The following ANK2 variants were observed in gnomAD, a reference collection of about 807,000 sequenced individuals.
ANK2 encodes the protein ankyrin 2, also known as ankyrin-2.
Under a neutral mutation model 360.5 loss-of-function variants are expected in ANK2, and 83 were observed. That is an observed-to-expected ratio of 0.23 (90% CI 0.19 to 0.28). The LOEUF (loss-of-function observed/expected upper bound fraction) is 0.28. ANK2 is among the 10% of genes least tolerant of loss of function. The probability of loss-of-function intolerance (pLI) is 1.00; values close to 1 mark genes in which losing one functional copy is unlikely to be tolerated. For missense variants in ANK2, 4,201 were observed against 4,795.7 expected, an observed-to-expected ratio of 0.88 and a Z score of 3.66; for synonymous variants, 1,740 against 1,759.5, an observed-to-expected ratio of 0.99 and a Z score of 0.28.
the ANK2 span, among the ~76,000 whole-genome samples, chr4:112,746,947 C>T: frequency 6.6e-6 from 1 of 152,148 alleles, no homozygotes; most frequent in Non-Finnish European, 1.5e-5. Context: ...TGTGGTCACG[C>T]ATTTACGAAA....
chr4:113,021,541 C>CACACACATATATATATATATATAT (rs1489947974), intron 2 of ANK2, among the ~76,000 whole-genome samples: 1 of 95,572 alleles, frequency 1.0e-5, no homozygotes, highest in African/African-American at 3.8e-5. Context: ...CACACACAAA[C>CACACACATATATATATATATATAT]ATATATATAT....
In ANK2 at chr4:113,355,857, C is replaced by T; in HGVS notation, c.7239C>T (p.Leu2413=). The change falls in exon 38 of 46, where the codon CTC becomes CTT. Residue 2413 remains leucine, a synonymous_variant. Coordinates refer to ENST00000357077, the MANE Select transcript of ANK2 (RefSeq NM_001148.6). The stretch of plus-strand genomic sequence containing the variant: ...GTCCCCAAGGGTTAGAACTTGCACT[C>T]CCTAGCCGAGATAGCGAAGTCCTCA... The part of the protein sequence containing the change: ...IRSPQGLELA[L]PSRDSEVLSA... 6.2e-7 allele frequency: 1 copy of T among 1,614,094 alleles called. No individual in the cohort carries two copies.
At chr4:112,792,033 C>CTTTTTTT in the ANK2 span, among the ~76,000 whole-genome samples, 14 of 65,978 alleles carry the variant, frequency 2.1e-4, no homozygotes, top group African/African-American at 5.3e-4. Context: ...CACATCCTTT[C>CTTTTTTT]TTTTTTTTTT....
chr4:113,186,035 C>G (rs2098515124), intron 2 of ANK2, among the ~76,000 whole-genome samples: 1 of 152,196 alleles, frequency 6.6e-6, no homozygotes, highest in Non-Finnish European at 1.5e-5. Context: ...TCTCCCAGCA[C>G]AGCACTCGAG....
At chr4:113,246,060 T>C (rs1056537261) in intron 9 of ANK2, among the ~76,000 whole-genome samples, 1 of 152,236 alleles carries the variant, frequency 6.6e-6, no homozygotes, top group Non-Finnish European at 1.5e-5. Context: ...CCTCCCAAAG[T>C]GCTGGGATTA....
chr4:113,302,068 G>C (rs1420258586), intron 22 of ANK2, among the ~76,000 whole-genome samples: 3 of 152,146 alleles, frequency 2.0e-5, no homozygotes, highest in African/African-American at 4.8e-5. Context: ...GCACATGTAG[G>C]TTAGGGGACT....
chr4:112,912,058 T>A (rs2087710913), intron 2 of ANK2, among the ~76,000 whole-genome samples: 1 of 151,948 alleles, frequency 6.6e-6, no homozygotes, highest in Admixed American at 6.6e-5. Flanking sequence ...GCGCCTGTAG[T>A]CCCAGCTACT....
chr4:113,210,734 C>T (rs1408648278), intron 4 of ANK2, among the ~76,000 whole-genome samples: 1 of 152,142 alleles, frequency 6.6e-6, no homozygotes, highest in East Asian at 1.9e-4. Context: ...CAATCCTTAG[C>T]ATATAGGGGC....
In ANK2 at chr4:113,293,647, ACTT is replaced by A. The variant is rs2069170558; in HGVS notation, c.2475+113_2475+115del. ...AGATGTTTGGAGCTTTTAGTTTTGA[ACTT>A]CTTTTTGTTGAAAGTATTGTAGCAC... On this transcript the variant is annotated intron_variant, in intron 22 of 45. Transcript: ENST00000357077. 3.6e-5 allele frequency: 40 copies of A among 1,098,208 alleles called. 2 individuals are homozygous for A. The South Asian group carries it at 4.8e-4, about 13-fold the overall frequency. The allele number at this position is 1,098,208 out of a possible 1,614,324, so 68.0% of individuals were successfully genotyped here.
chr4:113,307,351 C>T (rs138511408), intron 23 of ANK2, among the ~76,000 whole-genome samples: 244 of 150,662 alleles, frequency 1.6e-3, no homozygotes, highest in African/African-American at 5.5e-3. Flanking sequence ...GGTTCCGTAA[C>T]GTTTCAGAGA....
At position 113,357,691 on chromosome 4, in the gene ANK2, G is replaced by A; in HGVS notation, c.9073G>A (p.Val3025Ile). ...FEPTMSATTT[V>I]VGEQISKVII... ...GCCTACTATGTCCGCTACAACAACA[G>A]TTGTTGGTGAACAAATAAGCAAAGT... The change falls in exon 38 of 46, where the codon GTT becomes ATT. Residue 3025 changes from valine (V) to isoleucine (I), a missense_variant. By Grantham distance (29) the Val-to-Ile change is conservative. Around this residue, in one of 4 missense-constraint regions of ANK2, gnomAD observed 2,642 missense variants for 2,714.5 expected, o/e 0.97. Coordinates refer to ENST00000357077, the MANE Select transcript of ANK2 (RefSeq NM_001148.6). 6.2e-7 allele frequency: 1 copy of A among 1,614,158 alleles called. No individual in the cohort carries two copies. The highest frequency in any genetic ancestry group is 8.5e-7 in the Non-Finnish European group (1 of 1,179,984).
At chr4:112,942,756 ATAAG>A (rs1443260804) in intron 2 of ANK2, among the ~76,000 whole-genome samples, 1 of 151,972 alleles carries the variant, frequency 6.6e-6, no homozygotes, top group East Asian at 1.9e-4. Flanking sequence ...AATTTCGCAA[ATAAG>A]TAAGTTTTAT....
intron 43 of ANK2, chr4:113,372,661 T>G: frequency 7.3e-6 from 10 of 1,377,406 alleles, no homozygotes; most frequent in African/African-American, 1.4e-5. Context: ...TCAGGGACAG[T>G]CCTGTCCCCA....
chr4:112,770,096 C>A, the ANK2 span, among the ~76,000 whole-genome samples: 1 of 152,208 alleles, frequency 6.6e-6, no homozygotes, highest in Non-Finnish European at 1.5e-5. Flanking sequence ...AGAGCCCTGA[C>A]TAATACAGCT....
chr4:112,805,755 T>A, the ANK2 span, among the ~76,000 whole-genome samples: 1 of 152,072 alleles, frequency 6.6e-6, no homozygotes, highest in African/African-American at 2.4e-5. Flanking sequence ...CTAATTTTTG[T>A]ATTTTTAGTA....
chr4:113,133,782 C>T (rs2096223026), intron 1 of ANK2, among the ~76,000 whole-genome samples: 1 of 152,044 alleles, frequency 6.6e-6, no homozygotes, highest in Non-Finnish European at 1.5e-5. Context: ...ATGATTATAA[C>T]TCCCTTTTGT....
At chr4:112,733,634 G>T in the ANK2 span, among the ~76,000 whole-genome samples, 1 of 152,120 alleles carries the variant, frequency 6.6e-6, no homozygotes, top group African/African-American at 2.4e-5. Flanking sequence ...TTTGTGGAAT[G>T]AATTAAGGAA....
the ANK2 span, among the ~76,000 whole-genome samples, chr4:112,707,439 T>A: frequency 6.6e-6 from 1 of 152,222 alleles, no homozygotes; most frequent in Non-Finnish European, 1.5e-5. Flanking sequence ...GGGTTTTAAA[T>A]CCTTGTAGAA....
At chr4:113,216,864 C>T (rs1403920826) in intron 4 of ANK2, among the ~76,000 whole-genome samples, 1 of 151,772 alleles carries the variant, frequency 6.6e-6, no homozygotes, top group Non-Finnish European at 1.5e-5. Flanking sequence ...TTTTATCCAT[C>T]CAGATTTTTA....
Sources: allele counts gnomAD v4.1 joint callset (sites outside exome capture counted in the v4.1 genomes callset), GRCh38; gene constraint gnomAD v4.1.1; regional missense constraint gnomAD v4.1.1; transcripts MANE v1.5; gene names NCBI Gene and HGNC (gene_info 2026-07-23, HGNC 2026-07-21).